Variants in HEPH observed in about 807,000 individuals in gnomAD.
HEPH encodes the protein hephaestin.
Under a neutral mutation model 80.8 loss-of-function variants are expected in HEPH, and 69 were observed. The ratio of observed to expected loss-of-function variants is 0.85; its 90% confidence interval spans 0.70 to 1.04. HEPH has a LOEUF of 1.04. Among genes scored for constraint, HEPH ranks in the 50% least tolerant of loss-of-function variants. The pLI is 0.00. For missense variants in HEPH, 1,115 were observed against 891.3 expected, an observed-to-expected ratio of 1.25 and a Z score of -3.20; for synonymous variants, 431 against 322.8, an observed-to-expected ratio of 1.34 and a Z score of -3.60.
chrX:66,206,811 T>A (rs1203164808), intron 13 of HEPH, among the ~76,000 whole-genome samples: 5 of 107,420 alleles, frequency 4.7e-5, no homozygotes, highest in Non-Finnish European at 7.7e-5. Context: ...AGGTCAGGAG[T>A]TCAAAACCAG....
intron 6 of HEPH, among the ~76,000 whole-genome samples, chrX:66,190,612 G>A (rs1018415486): frequency 2.7e-5 from 3 of 111,934 alleles, no homozygotes; most frequent in African/African-American, 6.5e-5. Flanking sequence ...CGTAAAATGG[G>A]AAAGTTGGTC....
chrX:66,201,980 C>G (rs1243205437), intron 12 of HEPH, among the ~76,000 whole-genome samples: 3 of 112,038 alleles, frequency 2.7e-5, no homozygotes, highest in Admixed American at 9.5e-5. Context: ...TGTTTATAAA[C>G]TAGTAGAAGG....
intron 2 of HEPH, 41 bp downstream of exon 2, chrX:66,170,778 G>A: frequency 8.9e-7 from 1 of 1,120,443 alleles, no homozygotes; most frequent in Non-Finnish European, 1.2e-6. Context: ...GAAGTTATGG[G>A]AGCACTCTTG....
chrX:66,228,069 G>A (rs984138568), intron 15 of HEPH, among the ~76,000 whole-genome samples: 3 of 111,808 alleles, frequency 2.7e-5, no homozygotes, highest in Non-Finnish European at 3.8e-5. Flanking sequence ...AAAGAAAGAG[G>A]TTTAATGGAC....
intron 17 of HEPH, among the ~76,000 whole-genome samples, chrX:66,257,099 T>G (rs943778248): frequency 2.7e-5 from 3 of 112,368 alleles, no homozygotes; most frequent in Non-Finnish European, 5.6e-5. Context: ...AAGTCGTATA[T>G]TATTATCCCA....
intron 15 of HEPH, among the ~76,000 whole-genome samples, chrX:66,243,718 G>A (rs996590274): frequency 8.9e-6 from 1 of 112,831 alleles, no homozygotes; most frequent in African/African-American, 3.2e-5. Context: ...GTTGTTACCT[G>A]GTTATTATGC....
At chrX:66,207,410 G>T in intron 14 of HEPH, 76 bp downstream of exon 14, 1 of 757,167 alleles carries the variant, frequency 1.3e-6, no homozygotes, top group African/African-American at 2.2e-5. Flanking sequence ...TACCAGGATG[G>T]CCTCACTATT....
Position 66,207,294 on chromosome X carries a change from T to A in HEPH, c.2391T>A (p.Pro797=). The A allele has an allele frequency of 8.3e-7, 1 of 1,202,735 alleles. No individual in the cohort carries two copies. The highest frequency in any genetic ancestry group is 1.1e-6 in the Non-Finnish European group (1 of 890,469). Residue 797 remains proline, a synonymous_variant, in exon 14 of 21, where the codon CCT becomes CCA. Coordinates refer to ENST00000343002, the MANE Select transcript of HEPH (RefSeq NM_001367233.3). ...ACACTGATGGTACATTCAGGATCCC[T>A]CGGCCAAGGACTGGACCAGAAGAAC... ...REYTDGTFRI[P]RPRTGPEEHL...
chrX:66,162,932 G>A (rs888293884), upstream of HEPH: 2 of 1,062,206 alleles, frequency 1.9e-6, no homozygotes, highest in Non-Finnish European at 2.5e-6. Context: ...CTATACCTGG[G>A]TCTGTTGGGT....
In HEPH at chrX:66,172,332, T is replaced by C. The variant is rs374995504; in HGVS notation, c.168-23T>C. 12 of 1,165,945 alleles carry C rather than the reference T, an allele frequency of 1.0e-5. No homozygotes were observed. In the African/African-American group the frequency reaches 2.2e-4, roughly 21 times the overall value. On this transcript the variant is annotated intron_variant, in intron 2 of 20. Transcript: ENST00000343002. Reference sequence around the variant, plus strand: ...GGCTTGAAGATGGGGGGCAAAATTATGACTCTTTTTCTTCTTTCCCAGAGT... The same window carrying C: ...GGCTTGAAGATGGGGGGCAAAATTACGACTCTTTTTCTTCTTTCCCAGAGT...
At chrX:66,226,887 C>G (rs73215277) in intron 15 of HEPH, among the ~76,000 whole-genome samples, 2 of 111,663 alleles carry the variant, frequency 1.8e-5, no homozygotes, top group Non-Finnish European at 3.8e-5. Flanking sequence ...GTTATTGACA[C>G]TATTCCAAAA....
intron 7 of HEPH, among the ~76,000 whole-genome samples, chrX:66,193,109 T>A (rs2087899369): frequency 9.0e-6 from 1 of 110,503 alleles, no homozygotes; most frequent in Non-Finnish European, 1.9e-5. Flanking sequence ...CATTTTGGAG[T>A]GAAAGGATTA....
intron 12 of HEPH, among the ~76,000 whole-genome samples, chrX:66,203,005 T>A (rs2088551919): frequency 9.6e-6 from 1 of 104,147 alleles, no homozygotes; most frequent in Admixed American, 1.1e-4. Context: ...ATATAATAAA[T>A]GAAAGATAGG....
Position 66,200,614 on chromosome X carries a change from C to T in HEPH, c.1939C>T (p.Leu647Phe), listed in dbSNP as rs1232008801. 8.3e-7 allele frequency: 1 copy of T among 1,208,743 alleles called. No individual in the cohort carries two copies. The highest frequency in any genetic ancestry group is 3.0e-5 in the East Asian group (1 of 33,760). ...GGGTGACACAGTGGCCTGGCACCTG[C>T]TCGGCCTGGGCACAGAGACTGATGT... ...CKGDTVAWHL[L>F]GLGTETDVHG... The change falls in exon 12 of 21, where the codon CTC becomes TTC. Residue 647 changes from leucine to phenylalanine, a missense_variant. Leu to Phe is a conservative substitution (Grantham distance 22). This residue lies in a region of HEPH where 716 missense variants were observed against 523.5 expected (regional missense o/e 1.37). Coordinates refer to ENST00000343002, the MANE Select transcript of HEPH (RefSeq NM_001367233.3).
intron 15 of HEPH, among the ~76,000 whole-genome samples, chrX:66,225,991 T>C (rs191580632): frequency 2.1e-4 from 23 of 111,466 alleles, no homozygotes; most frequent in Non-Finnish European, 3.8e-4. Flanking sequence ...CTCACAACTT[T>C]AAGGGGGTCT....
At chrX:66,250,950 C>G (rs962079000) in intron 15 of HEPH, among the ~76,000 whole-genome samples, 1 of 112,309 alleles carries the variant, frequency 8.9e-6, no homozygotes, top group African/African-American at 3.2e-5. Context: ...GTGGCACAAT[C>G]TTGGCTAACT....
intron 15 of HEPH, among the ~76,000 whole-genome samples, chrX:66,236,782 T>C (rs2090376747): frequency 9.0e-6 from 1 of 111,717 alleles, no homozygotes; most frequent in East Asian, 2.8e-4. Flanking sequence ...AGGCTATTAC[T>C]GATTCAACTT....
upstream of HEPH, among the ~76,000 whole-genome samples, chrX:66,163,974 G>A (rs1264415469): frequency 8.9e-6 from 1 of 112,155 alleles, no homozygotes; most frequent in Non-Finnish European, 1.9e-5. Flanking sequence ...GTGCTTCAGA[G>A]CAAGAAGGGG....
chrX:66,201,456 T>C (rs1308192519), intron 12 of HEPH, among the ~76,000 whole-genome samples: 2 of 111,676 alleles, frequency 1.8e-5, no homozygotes, highest in East Asian at 5.6e-4. Context: ...TATATCCTTT[T>C]TCTTCCTTTT....
Sources: allele counts gnomAD v4.1 joint callset (sites outside exome capture counted in the v4.1 genomes callset), GRCh38; gene constraint gnomAD v4.1.1; regional missense constraint gnomAD v4.1.1; transcripts MANE v1.5; gene names NCBI Gene and HGNC (gene_info 2026-07-23, HGNC 2026-07-21).